PTPRR: variants seen among roughly 807,000 people sequenced by gnomAD.
PTPRR encodes the protein receptor-type tyrosine-protein phosphatase R.
In PTPRR, 38 loss-of-function variants were observed where a neutral mutation model predicts 77.2. The ratio of observed to expected loss-of-function variants is 0.49; its 90% confidence interval spans 0.38 to 0.65. The LOEUF is 0.65. PTPRR is among the 30% of genes least tolerant of loss of function. PTPRR has a pLI of 0.00. For synonymous variants in PTPRR, 299 were observed against 283.1 expected (o/e 1.06, Z -0.57); for missense variants, 744 against 799.2 (o/e 0.93, Z 0.83).
At chr12:70,822,869 T>C (rs1382125053) in intron 2 of PTPRR, among the ~76,000 whole-genome samples, 5 of 152,136 alleles carry the variant, frequency 3.3e-5, no homozygotes, top group African/African-American at 4.8e-5. Flanking sequence ...TAGAGCGTAA[T>C]GTTAATAAAA....
At chr12:70,895,379 T>G (rs61930387) in intron 1 of PTPRR, among the ~76,000 whole-genome samples, 18,495 of 151,386 alleles carry the variant, frequency 0.12, 1,465 homozygotes, top group Non-Finnish European at 0.18. Context: ...AATAGAAAAG[T>G]CCAGTTAATA....
intron 6 of PTPRR, among the ~76,000 whole-genome samples, chr12:70,738,552 T>C (rs1889947927): frequency 1.3e-5 from 2 of 152,218 alleles, no homozygotes; most frequent in Admixed American, 1.3e-4. Flanking sequence ...AATTTGCCTG[T>C]TGATTTCCTT....
chr12:70,893,014 C>A (rs771383791), intron 1 of PTPRR, 37 bp from the exon 2 acceptor site: 27 of 1,590,496 alleles, frequency 1.7e-5, no homozygotes, highest in African/African-American at 6.8e-5. Context: ...TATCAAAGAC[C>A]CTATTCAGTA....
chr12:70,647,913 T>G (rs1886259314), intron 13 of PTPRR, among the ~76,000 whole-genome samples: 1 of 152,220 alleles, frequency 6.6e-6, no homozygotes, highest in African/African-American at 2.4e-5. Flanking sequence ...TAATCTAAAC[T>G]AAAATAATCA....
At chr12:70,659,026 C>T (rs1463427878) in intron 12 of PTPRR, among the ~76,000 whole-genome samples, 1 of 151,392 alleles carries the variant, frequency 6.6e-6, no homozygotes, top group Non-Finnish European at 1.5e-5. Context: ...CCTCCGCCTC[C>T]CAAGTAGCTA....
At chr12:70,901,958 A>T (rs1893542663) in intron 1 of PTPRR, among the ~76,000 whole-genome samples, 1 of 151,838 alleles carries the variant, frequency 6.6e-6, no homozygotes, top group African/African-American at 2.4e-5. Flanking sequence ...AACTCAAACA[A>T]ATCAGCAAGA....
intron 1 of PTPRR, among the ~76,000 whole-genome samples, chr12:70,913,621 C>T (rs1218591282): frequency 6.6e-6 from 1 of 152,112 alleles, no homozygotes; most frequent in Non-Finnish European, 1.5e-5. Flanking sequence ...AAGAGTTCAG[C>T]ACACAAGTAC....
chr12:70,804,518 T>A (rs1479113400), intron 2 of PTPRR, among the ~76,000 whole-genome samples: 1 of 151,780 alleles, frequency 6.6e-6, no homozygotes, highest in African/African-American at 2.4e-5. Context: ...TAAGCCATGA[T>A]CACACCACTG....
chr12:70,725,059 A>C (rs774826099), intron 6 of PTPRR, among the ~76,000 whole-genome samples: 1 of 152,142 alleles, frequency 6.6e-6, no homozygotes, highest in Non-Finnish European at 1.5e-5. Context: ...CTGAGAAAGA[A>C]AGGGTGTTGA....
intron 8 of PTPRR, among the ~76,000 whole-genome samples, chr12:70,691,687 G>C (rs1888061436): frequency 6.6e-6 from 1 of 152,240 alleles, no homozygotes; most frequent in African/African-American, 2.4e-5. Context: ...TAGGTGTGCT[G>C]CCACAGCTCT....
intron 1 of PTPRR, among the ~76,000 whole-genome samples, chr12:70,901,845 G>T (rs775443664): frequency 6.6e-6 from 1 of 151,612 alleles, no homozygotes; most frequent in African/African-American, 2.4e-5. Flanking sequence ...CCACAGAGTG[G>T]GAGAAAATCT....
intron 5 of PTPRR, among the ~76,000 whole-genome samples, chr12:70,750,292 T>G (rs549904856): frequency 1.3e-5 from 2 of 152,220 alleles, no homozygotes; most frequent in Admixed American, 6.5e-5. Context: ...AAACCCATGC[T>G]TTTCATTTCT....
At chr12:70,882,580 C>T (rs956524420) in intron 2 of PTPRR, among the ~76,000 whole-genome samples, 9 of 152,132 alleles carry the variant, frequency 5.9e-5, no homozygotes, top group African/African-American at 2.2e-4. Flanking sequence ...TTTATTCTCC[C>T]ATAGTGACTG....
chr12:70,806,219 T>A (rs1891706841), intron 2 of PTPRR, among the ~76,000 whole-genome samples: 1 of 152,154 alleles, frequency 6.6e-6, no homozygotes, highest in Admixed American at 6.5e-5. Context: ...TCATTTCAAA[T>A]GAAAGCAACC....
intron 2 of PTPRR, among the ~76,000 whole-genome samples, chr12:70,856,773 TAGAA>T (rs1892658478): frequency 6.8e-6 from 1 of 146,828 alleles, no homozygotes; most frequent in Admixed American, 7.0e-5. Context: ...TGATTTGACT[TAGAA>T]AGCAAGGATA....
At chr12:70,650,520 A>T (rs1886358206) in intron 13 of PTPRR, among the ~76,000 whole-genome samples, 1 of 152,174 alleles carries the variant, frequency 6.6e-6, no homozygotes, top group East Asian at 1.9e-4. Flanking sequence ...CCTGAACGCC[A>T]CCAAGAGGGT....
intron 1 of PTPRR, among the ~76,000 whole-genome samples, chr12:70,909,083 G>C (rs1893664288): frequency 6.6e-6 from 1 of 152,138 alleles, no homozygotes; most frequent in South Asian, 2.1e-4. Context: ...GGCTGGTGGA[G>C]GGAGGACCTG....
intron 2 of PTPRR, among the ~76,000 whole-genome samples, chr12:70,838,983 G>T (rs1892350398): frequency 6.6e-6 from 1 of 152,086 alleles, no homozygotes. Flanking sequence ...GCTTGCTATG[G>T]CTATGTAACT....
chr12:70,810,857 T>A lies in PTPRR; in HGVS notation c.358-46079A>T, dbSNP rs1441749721. Among the ~76,000 whole-genome samples the A allele has an allele frequency of 3.9e-5, 6 of 152,290 alleles. No homozygotes were observed. In the East Asian group the frequency reaches 5.8e-4, roughly 15 times the overall value. On this transcript the variant is annotated intron_variant, in intron 2 of 13. Transcript: ENST00000283228. ...AGCCAATTACCTTTAAGACCTCATA[T>A]GTAAGAAAAGCAAACCTAATTGAAA...
Sources: gnomAD v4.1 joint callset for allele counts (sites outside exome capture counted in the v4.1 genomes callset) on GRCh38, gnomAD v4.1.1 for gene constraint, MANE v1.5 for transcripts, NCBI Gene and HGNC (gene_info 2026-07-23, HGNC 2026-07-21) for gene names.